Variants in DNAH11 observed in about 807,000 individuals in gnomAD.
DNAH11 encodes the protein axonemal beta dynein heavy chain 11.
In DNAH11, 442 loss-of-function variants were observed where a neutral mutation model predicts 526.0. The observed-to-expected ratio is 0.84, with a 90% CI of 0.78 to 0.91. DNAH11 has a LOEUF of 0.91. Among genes scored for constraint, DNAH11 ranks in the 40% least tolerant of loss-of-function variants. The pLI is 0.00. For synonymous variants in DNAH11, 2,461 were observed against 1,935.9 expected, an observed-to-expected ratio of 1.27 and a Z score of -7.12; for missense variants, 6,989 against 5,448.7, an observed-to-expected ratio of 1.28 and a Z score of -8.90.
intron 74 of DNAH11, among the ~76,000 whole-genome samples, chr7:21,879,803 C>G (rs1363551001): frequency 6.6e-6 from 1 of 151,964 alleles, no homozygotes; most frequent in African/African-American, 2.4e-5. Flanking sequence ...GGAAAGAGTT[C>G]GCTGGGCCCC....
chr7:21,750,353 C>A lies in DNAH11; in HGVS notation c.8929C>A (p.Leu2977Ile). 1 of 1,603,332 alleles carries A rather than the reference C, an allele frequency of 6.2e-7. No individual in the cohort carries two copies. Among genetic ancestry groups the A allele is most frequent in the Non-Finnish European group, 8.5e-7 (1 of 1,174,772 alleles). Residue 2977 changes from leucine (L) to isoleucine (I), a missense_variant, in exon 54 of 82, where the codon CTA becomes ATA. Transcript: ENST00000409508. ...CWKFFMARVRLQLKIILCFSP... is the reference protein window; with the variant it reads ...CWKFFMARVRIQLKIILCFSP... ...GAAATTCTTTATGGCCAGGGTGCGA[C>A]TACAGCTCAAAGTAAGAAATACTTG...
chr7:21,815,690 T>C (rs557514010), intron 63 of DNAH11, among the ~76,000 whole-genome samples: 2 of 152,318 alleles, frequency 1.3e-5, no homozygotes, highest in Admixed American at 1.3e-4. Context: ...CAGTGTTTCA[T>C]GTACGTAGAA....
chr7:21,898,252 T>C (rs1348192467), intron 79 of DNAH11, among the ~76,000 whole-genome samples: 2 of 152,208 alleles, frequency 1.3e-5, no homozygotes, highest in Non-Finnish European at 2.9e-5. Flanking sequence ...CTATGCTGTT[T>C]CTTCTTCTTA....
At chr7:21,837,534 G>A (rs1400159412) in intron 65 of DNAH11, among the ~76,000 whole-genome samples, 1 of 152,158 alleles carries the variant, frequency 6.6e-6, no homozygotes, top group African/African-American at 2.4e-5. Flanking sequence ...GATCTTGGAA[G>A]TAGAGTAGAA....
In DNAH11 at chr7:21,725,806, C is replaced by G. The variant is rs370674737; in HGVS notation, c.7267-5C>G. On this transcript the variant is annotated splice_polypyrimidine_tract_variant and splice_region_variant and intron_variant, in intron 44 of 81. Coordinates refer to ENST00000409508, the MANE Select transcript of DNAH11 (RefSeq NM_001277115.2). Reference sequence around the variant, plus strand: ...TGCAATAAGGATTTCTTTTGTTCTCCTTAGATTTCTGATTATCAAGCTGAC... The same window carrying G: ...TGCAATAAGGATTTCTTTTGTTCTCGTTAGATTTCTGATTATCAAGCTGAC... The G allele has an allele frequency of 1.8e-4, 294 of 1,607,386 alleles. No individual in the cohort carries two copies. In the African/African-American group the frequency reaches 3.6e-3, roughly 19 times the overall value.
chr7:21,892,929 T>C (rs2128047923), intron 77 of DNAH11, among the ~76,000 whole-genome samples: 1 of 152,316 alleles, frequency 6.6e-6, no homozygotes, highest in African/African-American at 2.4e-5. Flanking sequence ...TCCAAATATA[T>C]GGAATCATAC....
intron 73 of DNAH11, among the ~76,000 whole-genome samples, chr7:21,870,383 G>A (rs1010808198): frequency 1.3e-5 from 2 of 152,200 alleles, no homozygotes; most frequent in African/African-American, 4.8e-5. Flanking sequence ...CTTCTGGGAT[G>A]ATGATAATAC....
chr7:21,620,180 A>G (rs1034949613), intron 25 of DNAH11, 102 bp downstream of exon 25: 2 of 1,030,488 alleles, frequency 1.9e-6, no homozygotes, highest in Non-Finnish European at 2.7e-6. Flanking sequence ...TATGTTTACA[A>G]TGTGGAAAGA....
At chr7:21,723,859 C>A (rs527776206) in intron 44 of DNAH11, among the ~76,000 whole-genome samples, 20 of 151,810 alleles carry the variant, frequency 1.3e-4, no homozygotes, top group African/African-American at 4.3e-4. Context: ...AAGATGCCTT[C>A]CCTGAACATC....
chr7:21,617,675 A>T lies in DNAH11; in HGVS notation c.4152A>T (p.Glu1384Asp). ...TCTGGGATGCTTACACGGGCCTGGA[A>T]GGCACAGTTAAGGACATGACAGCCT... Reference protein sequence around the residue: ...VRVWDAYTGLEGTVKDMTASL... With the variant: ...VRVWDAYTGLDGTVKDMTASL... The change falls in exon 23 of 82, where the codon GAA becomes GAT. Residue 1384 changes from glutamate to aspartate, a missense_variant. Transcript: ENST00000409508. The T allele has an allele frequency of 6.2e-7, 1 of 1,613,882 alleles. No individual in the cohort carries two copies.
chr7:21,622,435 C>G (rs1028566300), intron 25 of DNAH11, among the ~76,000 whole-genome samples: 1 of 152,170 alleles, frequency 6.6e-6, no homozygotes, highest in African/African-American at 2.4e-5. Context: ...CATCAAGCTA[C>G]CAATGACTTT....
chr7:21,682,554 CTG>C, intron 31 of DNAH11, among the ~76,000 whole-genome samples: 1 of 147,096 alleles, frequency 6.8e-6, no homozygotes, highest in Non-Finnish European at 1.5e-5. Context: ...AAAAAAATTT[CTG>C]TGTGTCTTTA....
At chr7:21,749,301 G>T (rs1264719170) in intron 52 of DNAH11, among the ~76,000 whole-genome samples, 1 of 152,158 alleles carries the variant, frequency 6.6e-6, no homozygotes, top group Non-Finnish European at 1.5e-5. Context: ...TATTACTAAT[G>T]AAATAAACCC....
At chr7:21,656,121 CT>C (rs1294565052) in intron 29 of DNAH11, 140 bp downstream of exon 29, 4 of 931,562 alleles carry the variant, frequency 4.3e-6, no homozygotes, top group Non-Finnish European at 6.0e-6. Flanking sequence ...TCCTTTTTAT[CT>C]GTATCCACTG....
At chr7:21,702,677 AT>A (rs770874927) in intron 36 of DNAH11, 32 bp from the exon 37 acceptor site, 24 of 1,589,738 alleles carry the variant, frequency 1.5e-5, no homozygotes, top group Non-Finnish European at 2.1e-5. Flanking sequence ...CCCTCATACA[AT>A]TTTTGAGAAA....
At chr7:21,702,060 G>GA (rs1298544956) in intron 36 of DNAH11, among the ~76,000 whole-genome samples, 1 of 152,090 alleles carries the variant, frequency 6.6e-6, no homozygotes, top group African/African-American at 2.4e-5. Context: ...AAAGCCAGAA[G>GA]AAAAAATGTA....
chr7:21,774,018 A>G lies in DNAH11; in HGVS notation c.9336+19A>G, dbSNP rs1163380411. The stretch of plus-strand genomic sequence containing the variant: ...CTCTCAGGTATGACCAGGATGTGTT[A>G]TTACTGAGTAATATTTATGCTGTTT... On this transcript the variant is annotated intron_variant, in intron 56 of 81. Coordinates refer to ENST00000409508, the MANE Select transcript of DNAH11 (RefSeq NM_001277115.2). The G allele has an allele frequency of 1.3e-6, 2 of 1,515,472 alleles. No individual in the cohort carries two copies. The highest frequency in any genetic ancestry group is 1.8e-6 in the Non-Finnish European group (2 of 1,129,726). The allele number at this position is 1,515,472 out of a possible 1,614,324, so 93.9% of individuals were successfully genotyped here. A position where few individuals can be genotyped will look rare whatever the true frequency, so the allele number is the denominator to read the frequency against.
intron 25 of DNAH11, among the ~76,000 whole-genome samples, chr7:21,635,330 G>T (rs1172953179): frequency 6.6e-6 from 1 of 152,142 alleles, no homozygotes; most frequent in African/African-American, 2.4e-5. Flanking sequence ...CTAATTTCTT[G>T]TATTTTTAGT....
intron 79 of DNAH11, among the ~76,000 whole-genome samples, chr7:21,896,453 TA>T (rs961631214): frequency 1.3e-5 from 2 of 152,344 alleles, no homozygotes; most frequent in Non-Finnish European, 2.9e-5. Context: ...GATCTGGTCT[TA>T]AATATTTGCC....
Sources: allele counts gnomAD v4.1 joint callset (sites outside exome capture counted in the v4.1 genomes callset), GRCh38; gene constraint gnomAD v4.1.1; transcripts MANE v1.5; gene names NCBI Gene and HGNC (gene_info 2026-07-23, HGNC 2026-07-21).